The following ARMH1 variants were observed in gnomAD, a reference collection of about 807,000 sequenced individuals.
ARMH1 encodes the protein armadillo-like helical domain containing protein 1.
In ARMH1, 34 loss-of-function variants were observed where a neutral mutation model predicts 50.2. The ratio of observed to expected loss-of-function variants is 0.68; its 90% CI spans 0.51 to 0.90. ARMH1 has a LOEUF of 0.90. Among genes scored for constraint, ARMH1 ranks in the 40% least tolerant of loss-of-function variants. ARMH1 has a pLI of 0.00. For missense variants in ARMH1, 538 were observed against 553.9 expected, an observed-to-expected ratio of 0.97 and a Z score of 0.29; for synonymous variants, 221 against 224.2, an observed-to-expected ratio of 0.99 and a Z score of 0.13.
chr1:44,721,868 A>C (rs990727141), intron 6 of ARMH1: 1 of 152,194 alleles, frequency 6.6e-6, no homozygotes, highest in Non-Finnish European at 1.5e-5. Context: ...GTAAAAGGCG[A>C]AAGATTTATT....
At position 44,680,166 on chromosome 1, in the gene ARMH1, AGTTTGTTT is replaced by A. The variant is rs3044192; in HGVS notation, c.-23+5317_-23+5324del. Reference sequence around the variant, plus strand: ...TAGAGATGAAGTTAGATTGGGGCCAAGTTTGTTTGTTTGTTTGTTTGTTTGTTTGTTGT... The same window carrying A: ...TAGAGATGAAGTTAGATTGGGGCCAAGTTTGTTTGTTTGTTTGTTTGTTGT... On this transcript the variant is annotated intron_variant, in intron 1 of 11. Transcript: ENST00000535358. 2.5e-4 allele frequency among the ~76,000 whole-genome samples: 38 copies of A among 151,902 alleles called. No homozygotes were observed. In the East Asian group the frequency reaches 2.9e-3, roughly 12 times the overall value.
At chr1:44,689,946 A>G (rs746476249) in intron 2 of ARMH1, 43 bp downstream of exon 2, 168 of 1,507,118 alleles carry the variant, frequency 1.1e-4, no homozygotes, top group South Asian at 6.3e-4. Flanking sequence ...GGCACCGGGC[A>G]CGGTGGCTCA....
intron 6 of ARMH1, among the ~76,000 whole-genome samples, chr1:44,718,314 G>A (rs940301477): frequency 4.6e-5 from 7 of 152,198 alleles, no homozygotes; most frequent in African/African-American, 1.4e-4. Flanking sequence ...ACGTGCTGCA[G>A]GCGACAAAGC....
chr1:44,716,100 G>A lies in ARMH1; in HGVS notation c.725-8022G>A, dbSNP rs149604690. 2.4e-4 allele frequency among the ~76,000 whole-genome samples: 37 copies of A among 151,964 alleles called. 1 individual carries two copies. Among genetic ancestry groups the A allele is most frequent in the African/African-American group, 8.9e-4 (37 of 41,436 alleles). ...CCTATGGCTCTAGAAACTGCTTCTC[G>A]GTCTTTTATACATTCCCATTCCTCT... On this transcript the variant is annotated intron_variant, in intron 6 of 11. Transcript: ENST00000535358.
In ARMH1 at chr1:44,701,019, C is replaced by T. The variant is rs1487068212; in HGVS notation, c.539C>T (p.Pro180Leu). 32 of 1,551,646 alleles carry T rather than the reference C, an allele frequency of 2.1e-5. No individual in the cohort carries two copies. Among genetic ancestry groups the T allele is most frequent in the Admixed American group, 3.9e-5 (2 of 50,962 alleles). The change falls in exon 5 of 12, where the codon CCC becomes CTC. Residue 180 changes from proline to leucine, a missense_variant. By Grantham distance (98) the Pro-to-Leu change is moderately conservative. Coordinates refer to ENST00000535358, the MANE Select transcript of ARMH1 (RefSeq NM_001145636.2). ...VLLDSLVHGN[P>L]KYQNQVYKGL... ...TTGGATTCTTTGGTCCACGGCAATC[C>T]CAAGTACCAAAATCAAGTGTATAAA... is the stretch of plus-strand genomic sequence containing the variant.
At position 44,722,170 on chromosome 1, in the gene ARMH1, C is replaced by G. The variant is rs149775699; in HGVS notation, c.725-1952C>G. 7.9e-5 allele frequency among the ~76,000 whole-genome samples: 12 copies of G among 152,338 alleles called. No individual in the cohort carries two copies. In the East Asian group the frequency reaches 1.7e-3, roughly 22 times the overall value. ...ACAAGAGTTCCTCTAAACCCTCTCT[C>G]TCTTACCAGTAAATGGAGAGAGGCA... is the stretch of plus-strand genomic sequence containing the variant. On this transcript the variant is annotated intron_variant, in intron 6 of 11. Coordinates refer to ENST00000535358, the MANE Select transcript of ARMH1 (RefSeq NM_001145636.2).
rs1322174806 is a variant in ARMH1, at chr1:44,724,525, A to T, written c.921-14A>T. On this transcript the variant is annotated splice_polypyrimidine_tract_variant and intron_variant, in intron 8 of 11. Transcript: ENST00000535358. The surrounding 1 kb of genome is among the most constrained non-coding windows in gnomAD (Gnocchi z 6.4). ...AGCCCCAGGGCGTCGCCCCAGCCCG[A>T]ACCCCCGGCCCAGGGTCCTGGCGCG... is the stretch of plus-strand genomic sequence containing the variant. 13 of 1,505,314 alleles carry T rather than the reference A, an allele frequency of 8.6e-6. No homozygotes were observed. In the Admixed American group the frequency reaches 1.3e-4, roughly 15 times the overall value. The allele number at this position is 1,505,314 out of a possible 1,614,324, so 93.2% of individuals were successfully genotyped here.
intron 6 of ARMH1, chr1:44,721,662 G>C (rs748621901): frequency 6.6e-6 from 1 of 152,076 alleles, no homozygotes; most frequent in African/African-American, 2.4e-5. Flanking sequence ...ATGGGAGATG[G>C]AGGTTGTAGT....
chr1:44,724,756 G>A lies in ARMH1; in HGVS notation c.1051-6G>A. 1 of 1,539,620 alleles carries A rather than the reference G, an allele frequency of 6.5e-7. No individual in the cohort carries two copies. The highest frequency in any genetic ancestry group is 8.7e-7 in the Non-Finnish European group (1 of 1,145,380). On this transcript the variant is annotated splice_polypyrimidine_tract_variant and splice_region_variant and intron_variant, in intron 9 of 11. Coordinates refer to ENST00000535358, the MANE Select transcript of ARMH1 (RefSeq NM_001145636.2). This position sits in a 1 kb window ranked among gnomAD's most constrained non-coding sequence, Gnocchi z 6.4. Reference sequence around the variant, plus strand: ...GCAGTCACGCCGCCTCGCCCGCGCGGCGCAGTGCTTCGTGCAGATGTTCCC... The same window carrying A: ...GCAGTCACGCCGCCTCGCCCGCGCGACGCAGTGCTTCGTGCAGATGTTCCC...
intron 6 of ARMH1, among the ~76,000 whole-genome samples, chr1:44,721,404 A>G (rs1378976637): frequency 6.6e-6 from 1 of 152,202 alleles, no homozygotes; most frequent in African/African-American, 2.4e-5. Flanking sequence ...AGTATAAGAT[A>G]ATCATGCACA....
chr1:44,701,024 T>C lies in ARMH1; in HGVS notation c.544T>C (p.Tyr182His). 1 of 1,551,732 alleles carries C rather than the reference T, an allele frequency of 6.4e-7. No individual in the cohort carries two copies. Among genetic ancestry groups the C allele is most frequent in the South Asian group, 1.2e-5 (1 of 84,066 alleles). ...TTCTTTGGTCCACGGCAATCCCAAG[T>C]ACCAAAATCAAGTGTATAAAGGTCT... ...LDSLVHGNPKYQNQVYKGLIA... is the reference protein window; with the variant it reads ...LDSLVHGNPKHQNQVYKGLIA... Residue 182 changes from tyrosine to histidine, a missense_variant, in exon 5 of 12, where the codon TAC (tyrosine) becomes CAC (histidine). By Grantham distance (83) the Tyr-to-His change is moderately conservative (BLOSUM62 2). Transcript: ENST00000535358.
At chr1:44,700,049 C>T (rs1276235953) in intron 4 of ARMH1, among the ~76,000 whole-genome samples, 3 of 151,962 alleles carry the variant, frequency 2.0e-5, no homozygotes, top group South Asian at 2.1e-4. Context: ...AGGCTGGTCT[C>T]GAACTCCTGA....
At chr1:44,680,102 G>A (rs1352596465) in intron 1 of ARMH1, among the ~76,000 whole-genome samples, 2 of 152,268 alleles carry the variant, frequency 1.3e-5, no homozygotes, top group South Asian at 2.1e-4. Flanking sequence ...AAGGGCCTGG[G>A]GAGTTGAGAG....
Position 44,674,764 on chromosome 1 carries a change from C to T in ARMH1, c.-132C>T. 8.8e-6 allele frequency: 2 copies of T among 226,296 alleles called. No individual in the cohort carries two copies. The highest frequency in any genetic ancestry group is 1.9e-4 in the East Asian group (2 of 10,550). 14.0% of individuals were successfully genotyped at this position (226,296 alleles called of 1,614,324 possible). On this transcript the variant is annotated 5_prime_UTR_variant, in exon 1 of 12. Transcript: ENST00000535358. ...GCTGTATTCTGGGAATGGGCAGGGT[C>T]ACTCGTCCGAACAGAGTCCTATCCT...
At position 44,689,658 on chromosome 1, in the gene ARMH1, T is replaced by C; in HGVS notation, c.-22-18T>C. ...TCTAAACATTCCGGTAACCTGTCTCTTTTCCCTCCCTCTGTAGCCAACTTC... is the reference window on the plus strand; with the variant it reads ...TCTAAACATTCCGGTAACCTGTCTCCTTTCCCTCCCTCTGTAGCCAACTTC... On this transcript the variant is annotated intron_variant, in intron 1 of 11. Transcript: ENST00000535358. 5 of 1,532,474 alleles carry C rather than the reference T, an allele frequency of 3.3e-6. No individual in the cohort carries two copies. Among genetic ancestry groups the C allele is most frequent in the Non-Finnish European group, 3.5e-6 (4 of 1,129,924 alleles). The allele number at this position is 1,532,474 out of a possible 1,614,324, so 94.9% of individuals were successfully genotyped here. A position where few individuals can be genotyped will look rare whatever the true frequency, so the allele number is the denominator to read the frequency against.
intron 1 of ARMH1, among the ~76,000 whole-genome samples, chr1:44,679,986 G>A (rs964898490): frequency 7.9e-5 from 12 of 152,212 alleles, no homozygotes; most frequent in Admixed American, 7.2e-4. Flanking sequence ...GCATGGATGG[G>A]ACCAGAGCTG....
chr1:44,694,944 A>G (rs1276642686), intron 2 of ARMH1, among the ~76,000 whole-genome samples: 1 of 152,220 alleles, frequency 6.6e-6, no homozygotes, highest in Non-Finnish European at 1.5e-5. Context: ...ATGAGCCTTG[A>G]AAAGGTTGAG....
intron 1 of ARMH1, among the ~76,000 whole-genome samples, chr1:44,685,906 G>A (rs375510975): frequency 3.3e-5 from 5 of 152,276 alleles, no homozygotes; most frequent in East Asian, 3.9e-4. Flanking sequence ...GATTACAGGC[G>A]TGAGCCACCG....
intron 1 of ARMH1, among the ~76,000 whole-genome samples, chr1:44,685,312 C>CTT (rs749006485): frequency 7.0e-6 from 1 of 143,834 alleles, no homozygotes; most frequent in African/African-American, 2.5e-5. Context: ...CTGAGGGAAG[C>CTT]TTTTTTTTTT....
Sources: gnomAD v4.1 joint callset for allele counts (sites outside exome capture counted in the v4.1 genomes callset) on GRCh38, gnomAD v4.1.1 for gene constraint, Gnocchi (gnomAD v3.1) non-coding constraint, MANE v1.5 for transcripts, NCBI Gene and HGNC (gene_info 2026-07-23, HGNC 2026-07-21) for gene names.